ABLIM2: variants seen among roughly 807,000 people sequenced by gnomAD.
ABLIM2 encodes the protein actin-binding LIM protein 2.
A neutral mutation model predicts 97.7 loss-of-function variants in ABLIM2; 53 were observed. The observed-to-expected ratio is 0.54, with a 90% CI of 0.44 to 0.68. ABLIM2 has a LOEUF of 0.68. ABLIM2 is among the 30% of genes least tolerant of loss of function. ABLIM2 has a pLI of 0.00. For missense variants in ABLIM2, 835 were observed against 867.2 expected, an observed-to-expected ratio of 0.96 and a Z score of 0.47; for synonymous variants, 361 against 345.8, an observed-to-expected ratio of 1.04 and a Z score of -0.49.
At chr4:8,070,807 G>A (rs1469479684) in intron 6 of ABLIM2, among the ~76,000 whole-genome samples, 2 of 152,152 alleles carry the variant, frequency 1.3e-5, no homozygotes, top group Non-Finnish European at 2.9e-5. Flanking sequence ...AGGGAAGGAG[G>A]AGGGGAGGAG....
rs1852163806 is a variant in ABLIM2, at chr4:8,148,361, G to A, written c.10+10319C>T. On this transcript the variant is annotated intron_variant, in intron 1 of 20. Transcript: ENST00000447017. The surrounding 1 kb of genome is among the most constrained non-coding windows in gnomAD (Gnocchi z 6.7). ...GCCTCCCCACTGGATTCCAGAGGGG[G>A]CTCTGGGCCTACAGTGAAGCAGGGC... 6.6e-6 allele frequency among the ~76,000 whole-genome samples: 1 copy of A among 152,170 alleles called. No homozygotes were observed. The highest frequency in any genetic ancestry group is 1.5e-5 in the Non-Finnish European group (1 of 68,012).
intron 20 of ABLIM2, among the ~76,000 whole-genome samples, chr4:7,977,985 A>T (rs531502285): frequency 1.3e-5 from 2 of 152,162 alleles, no homozygotes; most frequent in Non-Finnish European, 2.9e-5. Flanking sequence ...TTCCAGAAGC[A>T]TATCTCCCAC....
rs552185224 is a variant in ABLIM2, at chr4:8,148,654, T to C, written c.10+10026A>G. ...CGCGTAAGCCGTTCCCCCGTGGGCATGCACAGCAGAGTCCTGCTTGCCTGG... is the reference window on the plus strand; with the variant it reads ...CGCGTAAGCCGTTCCCCCGTGGGCACGCACAGCAGAGTCCTGCTTGCCTGG... On this transcript the variant is annotated intron_variant, in intron 1 of 20. Transcript: ENST00000447017. This position sits in a 1 kb window ranked among gnomAD's most constrained non-coding sequence, Gnocchi z 6.7. 2.6e-5 allele frequency among the ~76,000 whole-genome samples: 4 copies of C among 152,266 alleles called. No homozygotes were observed. The South Asian group carries it at 8.3e-4, about 32-fold the overall frequency.
chr4:8,106,438 C>T lies in ABLIM2; in HGVS notation c.154+56G>A, dbSNP rs553785863. The T allele has an allele frequency of 2.8e-5, 43 of 1,556,482 alleles. No homozygotes were observed. In the South Asian group the frequency reaches 3.4e-4, roughly 12 times the overall value. On this transcript the variant is annotated intron_variant, in intron 2 of 20. Coordinates refer to ENST00000447017, the MANE Select transcript of ABLIM2 (RefSeq NM_001130083.2). ...CCAGGAGGCTTTGCGGGCCCAGGAT[C>T]GCCGCTGGGAGGCCCGTTTCAGGGG...
intron 11 of ABLIM2, 117 bp from the exon 12 acceptor site, chr4:8,027,974 C>T: frequency 2.9e-6 from 2 of 697,574 alleles, no homozygotes; most frequent in Non-Finnish European, 4.4e-6. Flanking sequence ...GAGGAATGCA[C>T]AACTTTTTGC....
intron 11 of ABLIM2, among the ~76,000 whole-genome samples, chr4:8,029,374 G>A (rs1181280539): frequency 3.9e-5 from 6 of 152,116 alleles, no homozygotes; most frequent in African/African-American, 1.2e-4. Flanking sequence ...AGCGCTCAGC[G>A]TGTGCCCCCT....
intron 2 of ABLIM2, among the ~76,000 whole-genome samples, chr4:8,098,094 C>T (rs1316347): frequency 0.45 from 67,677 of 152,042 alleles, 17,142 homozygotes; most frequent in African/African-American, 0.71. Context: ...ATTCCTCCCA[C>T]AAGCTTCCCC....
chr4:7,966,683 G>A lies in ABLIM2; in HGVS notation c.*307C>T. The A allele has an allele frequency of 2.9e-6, 1 of 341,068 alleles. No individual in the cohort carries two copies. Among genetic ancestry groups the A allele is most frequent in the Non-Finnish European group, 5.4e-6 (1 of 185,016 alleles). The allele number at this position is 341,068 out of a possible 1,614,324, so 21.1% of individuals were successfully genotyped here. ...GGCCAGGGCACCTCGAGAACGCTGG[G>A]AAGGTGGGCTGGGCTGCAGCCACCT... On this transcript the variant is annotated 3_prime_UTR_variant, in exon 21 of 21. Transcript: ENST00000447017.
rs1173418878 is a variant in ABLIM2 at position 7,966,177 on chromosome 4, C to T, written c.*813G>A. 2.6e-5 allele frequency: 4 copies of T among 152,562 alleles called. No homozygotes were observed. The highest frequency in any genetic ancestry group is 9.6e-5 in the African/African-American group (4 of 41,458). 9.5% of individuals were successfully genotyped at this position (152,562 alleles called of 1,614,324 possible). On this transcript the variant is annotated 3_prime_UTR_variant, in exon 21 of 21. Coordinates refer to ENST00000447017, the MANE Select transcript of ABLIM2 (RefSeq NM_001130083.2). ...GGGAGCTCTGTGTATGAGGACCACA[C>T]CAAGAACAGACTGAAACCACACAGA...
chr4:8,073,997 G>A lies in ABLIM2; in HGVS notation c.675+3631C>T, dbSNP rs1039857078. 3.7e-4 allele frequency among the ~76,000 whole-genome samples: 53 copies of A among 144,906 alleles called. 1 individual carries two copies. Among genetic ancestry groups the A allele is most frequent in the Non-Finnish European group, 2.7e-4 (18 of 67,134 alleles). ...AGCTACTTGGGAGGCTGAAGCAGGA[G>A]AATGGCTTGAACCCAGGAGGTGGAG... On this transcript the variant is annotated intron_variant, in intron 6 of 20. Transcript: ENST00000447017.
At chr4:8,081,384 T>C (rs1049040396) in intron 4 of ABLIM2, among the ~76,000 whole-genome samples, 2 of 152,220 alleles carry the variant, frequency 1.3e-5, no homozygotes, top group African/African-American at 4.8e-5. Context: ...CCCTGCTCAC[T>C]TGTCCTGTGT....
intron 1 of ABLIM2, among the ~76,000 whole-genome samples, chr4:8,118,334 T>G (rs953272097): frequency 3.9e-5 from 6 of 152,138 alleles, no homozygotes; most frequent in Non-Finnish European, 5.9e-5. Context: ...GCTGGCCCCA[T>G]GAGACTCGTC....
chr4:8,029,564 A>T (rs1779522674), intron 11 of ABLIM2, 92 bp downstream of exon 11: 2 of 1,303,128 alleles, frequency 1.5e-6, no homozygotes, highest in Admixed American at 7.1e-5. Context: ...GAAAAATGCC[A>T]CTTATAACCG....
rs1261210019 is a variant in ABLIM2 at position 8,001,941 on chromosome 4, T to G, written c.1618+6118A>C. Among the ~76,000 whole-genome samples the G allele has an allele frequency of 2.0e-5, 3 of 152,208 alleles. No individual in the cohort carries two copies. The highest frequency in any genetic ancestry group is 7.2e-5 in the African/African-American group (3 of 41,464). The stretch of plus-strand genomic sequence containing the variant: ...ACATGTGCGTGCTCTCTCTCTCTTT[T>G]TCTTGCTCTCTCTCCTCCCAGCATT... On this transcript the variant is annotated intron_variant, in intron 16 of 20. Coordinates refer to ENST00000447017, the MANE Select transcript of ABLIM2 (RefSeq NM_001130083.2). The surrounding 1 kb of genome is among the most constrained non-coding windows in gnomAD (Gnocchi z 4.2).
At chr4:8,049,369 A>G (rs1794596859) in intron 8 of ABLIM2, among the ~76,000 whole-genome samples, 1 of 152,230 alleles carries the variant, frequency 6.6e-6, no homozygotes, top group Non-Finnish European at 1.5e-5. Context: ...GCCAGATGCC[A>G]GGGACGTCTG....
At chr4:8,086,349 C>CTTTT (rs1228215168) in intron 4 of ABLIM2, among the ~76,000 whole-genome samples, 2 of 122,980 alleles carry the variant, frequency 1.6e-5, no homozygotes, top group Non-Finnish European at 3.5e-5. Flanking sequence ...TCCCCTCCCA[C>CTTTT]TTTTTTTTTT....
chr4:8,108,256 A>G (rs540740169), intron 1 of ABLIM2, among the ~76,000 whole-genome samples: 47 of 152,346 alleles, frequency 3.1e-4, no homozygotes, highest in Non-Finnish European at 6.3e-4. Context: ...AGTGAGAGCC[A>G]CCAACAGCAA....
chr4:8,146,061 T>A (rs906253056), intron 1 of ABLIM2, among the ~76,000 whole-genome samples: 4 of 152,240 alleles, frequency 2.6e-5, no homozygotes, highest in Non-Finnish European at 5.9e-5. Context: ...ATTTTTTTTC[T>A]GAGATGTTTT....
In ABLIM2 at chr4:8,128,585, C is replaced by T. The variant is rs1333565292; in HGVS notation, c.11-21948G>A. Among the ~76,000 whole-genome samples, 1 of 152,238 alleles carries T rather than the reference C, an allele frequency of 6.6e-6. No individual in the cohort carries two copies. The highest frequency in any genetic ancestry group is 1.5e-5 in the Non-Finnish European group (1 of 68,050). The stretch of plus-strand genomic sequence containing the variant: ...ACGAATGCACTAAACCTCCAGTGAC[C>T]TTGCACAGCAGGTCTCCTTGCCCTG... On this transcript the variant is annotated intron_variant, in intron 1 of 20. Coordinates refer to ENST00000447017, the MANE Select transcript of ABLIM2 (RefSeq NM_001130083.2). The surrounding 1 kb of genome is among the most constrained non-coding windows in gnomAD (Gnocchi z 4.9).
Sources: allele counts gnomAD v4.1 joint callset (sites outside exome capture counted in the v4.1 genomes callset), GRCh38; gene constraint gnomAD v4.1.1; non-coding constraint Gnocchi (gnomAD v3.1); transcripts MANE v1.5; gene names NCBI Gene and HGNC (gene_info 2026-07-23, HGNC 2026-07-21).